Variants in RNF217 observed in about 807,000 individuals in gnomAD.
The protein encoded by RNF217 is ring finger protein 217.
Under a neutral mutation model 57.8 loss-of-function variants are expected in RNF217, and 31 were observed. The ratio of observed to expected loss-of-function variants is 0.54; its 90% CI spans 0.40 to 0.72. The LOEUF (loss-of-function observed/expected upper bound fraction) is 0.72, where lower values mean the gene tolerates loss of function less well. RNF217 is among the 30% of genes least tolerant of loss of function. The probability of loss-of-function intolerance (pLI) is 0.00; values close to 1 mark genes in which losing one functional copy is unlikely to be tolerated. For synonymous variants in RNF217, 313 were observed against 294.0 expected, an observed-to-expected ratio of 1.06 and a Z score of -0.66; for missense variants, 696 against 708.3, an observed-to-expected ratio of 0.98 and a Z score of 0.20.
At chr6:125,069,175 CA>C (rs1366030065) in intron 3 of RNF217, among the ~76,000 whole-genome samples, 2 of 151,846 alleles carry the variant, frequency 1.3e-5, no homozygotes, top group Non-Finnish European at 2.9e-5. Flanking sequence ...TTTTCTGTAA[CA>C]AAAAAAGAAC....
At chr6:125,058,340 G>C (rs778890956) in intron 3 of RNF217, among the ~76,000 whole-genome samples, 1 of 151,922 alleles carries the variant, frequency 6.6e-6, no homozygotes, top group Non-Finnish European at 1.5e-5. Context: ...TATAAATATT[G>C]ACTTAAGACA....
At chr6:125,062,940 CTATTTAATG>C in intron 3 of RNF217, among the ~76,000 whole-genome samples, 1 of 152,232 alleles carries the variant, frequency 6.6e-6, no homozygotes, top group African/African-American at 2.4e-5. Flanking sequence ...AATGAGTTTT[CTATTTAATG>C]TAAATTCTTA....
At chr6:125,081,550 G>A (rs183896293) in intron 5 of RNF217, 43 bp downstream of exon 5, 366 of 1,460,712 alleles carry the variant, frequency 2.5e-4, no homozygotes, top group Admixed American at 8.0e-4. Context: ...TTATCTGAGG[G>A]CCATAGAGAG....
Position 124,962,686 on chromosome 6 carries a change from G to C in RNF217, c.142G>C (p.Ala48Pro), listed in dbSNP as rs1002539283. 2.0e-5 allele frequency: 28 copies of C among 1,367,322 alleles called. No individual in the cohort carries two copies. The highest frequency in any genetic ancestry group is 2.4e-5 in the Non-Finnish European group (26 of 1,072,502). The allele number at this position is 1,367,322 out of a possible 1,614,324, so 84.7% of individuals were successfully genotyped here. Residue 48 changes from alanine (A) to proline (P), a missense_variant, in exon 1 of 6, where the codon GCG (alanine) becomes CCG (proline). Ala to Pro is a conservative substitution (Grantham distance 27, BLOSUM62 -1). This residue lies in a region of RNF217 where 465 missense variants were observed against 386.8 expected (regional missense o/e 1.20). Transcript: ENST00000521654. This position sits in a 1 kb window ranked among gnomAD's most constrained non-coding sequence, Gnocchi z 4.6. ...ARAPPLRAAS[A>P]EPSGGGCGSD... The stretch of plus-strand genomic sequence containing the variant: ...GGCGCCCCCGCTGCGCGCCGCCTCC[G>C]CGGAGCCGAGCGGCGGTGGCTGCGG...
intron 1 of RNF217, among the ~76,000 whole-genome samples, chr6:125,018,975 A>G (rs953181745): frequency 6.6e-6 from 1 of 152,184 alleles, no homozygotes; most frequent in Admixed American, 6.5e-5. Context: ...ACCTCCAGGC[A>G]TAAAACTTGA....
At chr6:125,013,365 GT>G (rs1215854162) in intron 1 of RNF217, among the ~76,000 whole-genome samples, 2 of 151,218 alleles carry the variant, frequency 1.3e-5, no homozygotes, top group East Asian at 3.9e-4. Context: ...GTGTGTGTGT[GT>G]GTGTGTGTGT....
intron 2 of RNF217, 58 bp from the exon 3 acceptor site, chr6:125,057,884 C>T: frequency 1.4e-6 from 2 of 1,415,430 alleles, no homozygotes; most frequent in Non-Finnish European, 1.9e-6. Flanking sequence ...ACCTTCTTAT[C>T]CTTTTAGACA....
At chr6:124,983,638 T>A in intron 1 of RNF217, 1 of 273,488 alleles carries the variant, frequency 3.7e-6, no homozygotes, top group Non-Finnish European at 5.6e-6. Flanking sequence ...CTAGTGAAAT[T>A]AATTGATAAT....
chr6:125,001,678 G>A (rs1262043514), intron 1 of RNF217, among the ~76,000 whole-genome samples: 1 of 152,160 alleles, frequency 6.6e-6, no homozygotes, highest in Non-Finnish European at 1.5e-5. Context: ...TTCCCTTTAA[G>A]TTTGCAATTT....
At chr6:124,966,357 A>G (rs548899706) in intron 1 of RNF217, among the ~76,000 whole-genome samples, 1 of 152,322 alleles carries the variant, frequency 6.6e-6, no homozygotes, top group East Asian at 1.9e-4. Flanking sequence ...ACCAGTTCCA[A>G]AGCAAAACAA....
At chr6:125,008,637 A>G (rs910534725) in intron 1 of RNF217, 2 of 151,968 alleles carry the variant, frequency 1.3e-5, no homozygotes, top group Non-Finnish European at 2.9e-5. Context: ...GGCTTTGTGC[A>G]TTCAGGTCAG....
intron 1 of RNF217, among the ~76,000 whole-genome samples, chr6:124,991,058 G>A (rs1784544123): frequency 6.6e-6 from 1 of 152,106 alleles, no homozygotes; most frequent in Non-Finnish European, 1.5e-5. Flanking sequence ...AGTGAAGCCA[G>A]AGAGATCATT....
intron 1 of RNF217, among the ~76,000 whole-genome samples, chr6:124,973,833 C>T (rs1056345887): frequency 6.6e-6 from 1 of 152,046 alleles, no homozygotes; most frequent in Non-Finnish European, 1.5e-5. Context: ...AAAAAAAGAA[C>T]GATTTTATTT....
At chr6:124,977,159 A>G (rs1381981002) in intron 1 of RNF217, among the ~76,000 whole-genome samples, 1 of 152,240 alleles carries the variant, frequency 6.6e-6, no homozygotes, top group East Asian at 1.9e-4. Context: ...CTTTTTAAAA[A>G]TAATATAAAA....
At position 125,032,978 on chromosome 6, in the gene RNF217, G is replaced by A. The variant is rs112375380; in HGVS notation, c.883-12233G>A. Among the ~76,000 whole-genome samples, 550 of 152,210 alleles carry A rather than the reference G, an allele frequency of 3.6e-3. 10 individuals are homozygous for A. Among genetic ancestry groups the A allele is most frequent in the African/African-American group, 0.013 (531 of 41,544 alleles). The stretch of plus-strand genomic sequence containing the variant: ...TATGATAACTCTTTCCAAATTACAC[G>A]TGAGTGTGGTTTTATTGTACTTTTC... On this transcript the variant is annotated intron_variant, in intron 1 of 5. Transcript: ENST00000521654.
At chr6:125,070,995 G>A (rs1788112091) in intron 3 of RNF217, among the ~76,000 whole-genome samples, 1 of 152,090 alleles carries the variant, frequency 6.6e-6, no homozygotes, top group South Asian at 2.1e-4. Flanking sequence ...AGGTTTAGCA[G>A]TTCATTTACT....
intron 1 of RNF217, among the ~76,000 whole-genome samples, chr6:125,017,586 G>T (rs141218634): frequency 6.6e-6 from 1 of 152,162 alleles, no homozygotes; most frequent in African/African-American, 2.4e-5. Context: ...TATGAGAAGT[G>T]TTCACATTTC....
chr6:124,993,156 A>G (rs995811938), intron 1 of RNF217, among the ~76,000 whole-genome samples: 1 of 152,178 alleles, frequency 6.6e-6, no homozygotes, highest in East Asian at 1.9e-4. Context: ...AGTTATGCCT[A>G]AAGTTGACTT....
At chr6:124,972,621 A>T (rs990995795) in intron 1 of RNF217, among the ~76,000 whole-genome samples, 12 of 152,112 alleles carry the variant, frequency 7.9e-5, no homozygotes, top group African/African-American at 2.4e-4. Flanking sequence ...TCTTCTTTGA[A>T]TGCTCCGTGA....
Sources: gnomAD v4.1 joint callset for allele counts (sites outside exome capture counted in the v4.1 genomes callset) on GRCh38, gnomAD v4.1.1 for gene constraint, gnomAD v4.1.1 regional missense constraint, Gnocchi (gnomAD v3.1) non-coding constraint, MANE v1.5 for transcripts, NCBI Gene and HGNC (gene_info 2026-07-23, HGNC 2026-07-21) for gene names.